Variants in SCN3A observed in about 807,000 individuals in gnomAD.
SCN3A encodes sodium channel protein type 3 subunit alpha.
SCN3A carries 60 observed loss-of-function variants against 187.6 expected under a neutral mutation model. The ratio of observed to expected loss-of-function variants is 0.32; its 90% CI spans 0.26 to 0.40. The LOEUF (loss-of-function observed/expected upper bound fraction) is 0.40. Among genes scored for constraint, SCN3A ranks in the 10% least tolerant of loss-of-function variants. SCN3A has a pLI of 1.00. For synonymous variants in SCN3A, 788 were observed against 829.2 expected (o/e 0.95, Z 0.85); for missense variants, 1,601 against 2,428.2 (o/e 0.66, Z 7.16).
intron 14 of SCN3A, among the ~76,000 whole-genome samples, chr2:165,139,097 T>C (rs1687839745): frequency 6.6e-6 from 1 of 152,118 alleles, no homozygotes; most frequent in South Asian, 2.1e-4. Flanking sequence ...CGCAACCCCA[T>C]CAACACTTCC....
At position 165,089,514 on chromosome 2, in the gene SCN3A, G is replaced by A. The variant is rs1019162150; in HGVS notation, c.*636C>T. On this transcript the variant is annotated 3_prime_UTR_variant, in exon 28 of 28. Transcript: ENST00000283254. ...GAGGAGACTTTACAGGCACATAACT[G>A]TTCAGATAGAAACAAACATAACAGA... 7 of 152,732 alleles carry A rather than the reference G, an allele frequency of 4.6e-5. No individual in the cohort carries two copies. Among genetic ancestry groups the A allele is most frequent in the African/African-American group, 1.7e-4 (7 of 41,430 alleles). The allele number at this position is 152,732 out of a possible 1,614,324, so 9.5% of individuals were successfully genotyped here. A position where few individuals can be genotyped will look rare whatever the true frequency, so the allele number is the denominator to read the frequency against.
intron 2 of SCN3A, among the ~76,000 whole-genome samples, chr2:165,177,010 T>C (rs1690512107): frequency 6.6e-6 from 1 of 152,168 alleles, no homozygotes; most frequent in South Asian, 2.1e-4. Flanking sequence ...ACTGTTCTCG[T>C]TGTCAGCATC....
At chr2:165,099,866 A>T (rs929719908) in intron 22 of SCN3A, among the ~76,000 whole-genome samples, 1 of 152,234 alleles carries the variant, frequency 6.6e-6, no homozygotes, top group Non-Finnish European at 1.5e-5. Flanking sequence ...TTTATTACTG[A>T]TATTAATTCA....
At chr2:165,129,919 G>C (rs1574164392) in intron 17 of SCN3A, 21 bp downstream of exon 17, 1 of 1,613,322 alleles carries the variant, frequency 6.2e-7, no homozygotes, top group Non-Finnish European at 8.5e-7. Flanking sequence ...TAATTTATGA[G>C]CATTTGTACT....
At chr2:165,149,929 G>A (rs6432809) in intron 11 of SCN3A, among the ~76,000 whole-genome samples, 61,998 of 151,866 alleles carry the variant, frequency 0.41, 12,771 homozygotes, top group Middle Eastern at 0.5. Flanking sequence ...TTCATTTTAT[G>A]TATATAATCC....
chr2:165,102,017 G>A (rs1390212426), intron 21 of SCN3A, among the ~76,000 whole-genome samples: 1 of 152,226 alleles, frequency 6.6e-6, no homozygotes, highest in Non-Finnish European at 1.5e-5. Flanking sequence ...GATTGGAAAG[G>A]TTATTAGAGA....
intron 9 of SCN3A, among the ~76,000 whole-genome samples, chr2:165,161,137 C>CTTTTTTTTTTTTTTTTTTTTTT (rs61608647): frequency 1.9e-3 from 178 of 93,354 alleles, no homozygotes; most frequent in Non-Finnish European, 2.8e-3. Context: ...TTCTTTCTTT[C>CTTTTTTTTTTTTTTTTTTTTTT]TTTTTTTTTT....
chr2:165,144,948 A>G (rs1272265873), intron 12 of SCN3A, among the ~76,000 whole-genome samples: 1 of 152,198 alleles, frequency 6.6e-6, no homozygotes, highest in Non-Finnish European at 1.5e-5. Context: ...TAAAGGAACT[A>G]ATACTGCTAT....
chr2:165,162,645 G>A lies in SCN3A; in HGVS notation c.878C>T (p.Ser293Phe). Residue 293 changes from serine to phenylalanine, a missense_variant, in exon 8 of 28, where the codon TCC (serine) becomes TTC (phenylalanine). By Grantham distance (155) the Ser-to-Phe change is radical. This residue lies in a region of SCN3A where 104 missense variants were observed against 102.7 expected (regional missense o/e 1.01). Coordinates refer to ENST00000283254, the MANE Select transcript of SCN3A (RefSeq NM_006922.4). ...TGAATCCATTGTGCCATTAAAGTAG[G>A]AAGTGGTGTTGGTTTCAAAAGCAGA... ...SDSAFETNTT[S>F]YFNGTMDSNG... 6.2e-7 allele frequency: 1 copy of A among 1,614,126 alleles called. No homozygotes were observed. The highest frequency in any genetic ancestry group is 8.5e-7 in the Non-Finnish European group (1 of 1,180,010).
chr2:165,177,782 G>A (rs952882669), intron 2 of SCN3A, among the ~76,000 whole-genome samples: 1 of 152,042 alleles, frequency 6.6e-6, no homozygotes, highest in Admixed American at 6.6e-5. Flanking sequence ...CAAGAAATCA[G>A]CTATGTAAAT....
chr2:165,162,171 G>A, intron 9 of SCN3A, 137 bp downstream of exon 9: 1 of 759,944 alleles, frequency 1.3e-6, no homozygotes, highest in South Asian at 1.8e-5. Flanking sequence ...GGCAGACAAG[G>A]CACTTCCTAG....
At chr2:165,130,640 A>G (rs969780702) in intron 16 of SCN3A, among the ~76,000 whole-genome samples, 12 of 152,308 alleles carry the variant, frequency 7.9e-5, no homozygotes, top group African/African-American at 2.9e-4. Context: ...TATTTTAGAC[A>G]GTAAAAAGAA....
intron 18 of SCN3A, among the ~76,000 whole-genome samples, chr2:165,116,313 ATG>A (rs1686364986): frequency 6.6e-6 from 1 of 152,222 alleles, no homozygotes; most frequent in Non-Finnish European, 1.5e-5. Context: ...TCTGAATTCA[ATG>A]TGTGATCCGG....
At position 165,095,413 on chromosome 2, in the gene SCN3A, G is replaced by T. The variant is rs1685320605; in HGVS notation, c.4431+98C>A. The T allele has an allele frequency of 2.3e-5, 28 of 1,242,366 alleles. No homozygotes were observed. In the South Asian group the frequency reaches 3.3e-4, roughly 14 times the overall value. The allele number at this position is 1,242,366 out of a possible 1,614,324, so 77.0% of individuals were successfully genotyped here. A position where few individuals can be genotyped will look rare whatever the true frequency, so the allele number is the denominator to read the frequency against. ...GGGCAACTGAAAATAATATAAACAT[G>T]ATTTAAGTCTGTCATGACCACAGGT... On this transcript the variant is annotated intron_variant, in intron 25 of 27. Coordinates refer to ENST00000283254, the MANE Select transcript of SCN3A (RefSeq NM_006922.4).
At chr2:165,174,914 G>A (rs1182824999) in intron 3 of SCN3A, among the ~76,000 whole-genome samples, 1 of 152,170 alleles carries the variant, frequency 6.6e-6, no homozygotes, top group African/African-American at 2.4e-5. Context: ...AAACATTAAA[G>A]CTTGCTATTC....
chr2:165,187,933 G>A (rs1691342564), intron 1 of SCN3A, among the ~76,000 whole-genome samples: 1 of 152,172 alleles, frequency 6.6e-6, no homozygotes, highest in African/African-American at 2.4e-5. Flanking sequence ...CTTAATAAAT[G>A]TTATTTCCCT....
At chr2:165,197,586 GT>G (rs544679569) in intron 1 of SCN3A, among the ~76,000 whole-genome samples, 23,677 of 140,176 alleles carry the variant, frequency 0.17, 2,595 homozygotes, top group African/African-American at 0.32. Context: ...CTTTAGCTGT[GT>G]TTTTTTTTTT....
intron 25 of SCN3A, among the ~76,000 whole-genome samples, chr2:165,094,996 G>A (rs1053738169): frequency 6.6e-6 from 1 of 152,148 alleles, no homozygotes; most frequent in Non-Finnish European, 1.5e-5. Context: ...TCAGAGACAA[G>A]CTGTTACATA....
chr2:165,194,367 C>T lies in SCN3A; in HGVS notation c.-247-7620G>A, dbSNP rs533513006. 7.8e-4 allele frequency among the ~76,000 whole-genome samples: 118 copies of T among 152,176 alleles called. 3 individuals carry two copies. The South Asian group carries it at 0.024, about 31-fold the overall frequency. ...TACTAGGCTTACTCCAAATGTTTGT[C>T]CCTTCTGAGAGAAACTTCTGAGGGT... On this transcript the variant is annotated intron_variant, in intron 1 of 27. Transcript: ENST00000283254.
Sources: gnomAD v4.1 joint callset for allele counts (sites outside exome capture counted in the v4.1 genomes callset) on GRCh38, gnomAD v4.1.1 for gene constraint, gnomAD v4.1.1 regional missense constraint, MANE v1.5 for transcripts, NCBI Gene and HGNC (gene_info 2026-07-23, HGNC 2026-07-21) for gene names.